The following SLC9B2 variants were observed in gnomAD, a reference collection of about 807,000 sequenced individuals.
The protein encoded by SLC9B2 is solute carrier family 9 member B2.
In SLC9B2, 39 loss-of-function variants were observed where a neutral mutation model predicts 52.2. That is an observed-to-expected ratio of 0.75 (90% CI 0.58 to 0.98). The LOEUF (loss-of-function observed/expected upper bound fraction) is 0.98. SLC9B2 is among the 50% of genes least tolerant of loss of function. SLC9B2 has a pLI of 0.00. For missense variants in SLC9B2, 626 were observed against 637.5 expected, an observed-to-expected ratio of 0.98 and a Z score of 0.19; for synonymous variants, 214 against 227.0, an observed-to-expected ratio of 0.94 and a Z score of 0.51.
intron 1 of SLC9B2, among the ~76,000 whole-genome samples, chr4:103,075,232 C>A (rs1490339961): frequency 6.6e-6 from 1 of 152,158 alleles, no homozygotes; most frequent in Non-Finnish European, 1.5e-5. Context: ...TCACTGCAAC[C>A]TGTGCCTCCT....
intron 3 of SLC9B2, among the ~76,000 whole-genome samples, chr4:103,063,377 T>C (rs973965967): frequency 3.9e-5 from 6 of 152,212 alleles, no homozygotes; most frequent in Admixed American, 2.6e-4. Flanking sequence ...TATAGTATAT[T>C]ATGCTTATCT....
At chr4:103,047,677 G>T (rs1744295677) in intron 6 of SLC9B2, among the ~76,000 whole-genome samples, 1 of 151,868 alleles carries the variant, frequency 6.6e-6, no homozygotes, top group South Asian at 2.1e-4. Flanking sequence ...AGTTTGCTGA[G>T]AATGATGGTT....
In SLC9B2 at chr4:103,022,548, A is replaced by G. The variant is rs1741866178; in HGVS notation, c.*3822T>C. On this transcript the variant is annotated 3_prime_UTR_variant, in exon 12 of 12. Transcript: ENST00000394785. ...TCTGTGTTCTAAATTTTTTGCAATG[A>G]AAATGTGTTACTTTATAATCAGAAA... Among the ~76,000 whole-genome samples the G allele has an allele frequency of 6.6e-6, 1 of 152,210 alleles. No individual in the cohort carries two copies. Among genetic ancestry groups the G allele is most frequent in the South Asian group, 2.1e-4 (1 of 4,830 alleles).
At chr4:103,062,025 G>C (rs1485988061) in intron 3 of SLC9B2, among the ~76,000 whole-genome samples, 1 of 152,168 alleles carries the variant, frequency 6.6e-6, no homozygotes, top group East Asian at 1.9e-4. Context: ...CGATATCAGA[G>C]GTAGAATGGG....
At position 103,043,403 on chromosome 4, in the gene SLC9B2, A is replaced by T; in HGVS notation, c.1039T>A (p.Ser347Thr). 6.2e-7 allele frequency: 1 copy of T among 1,612,970 alleles called. No homozygotes were observed. The highest frequency in any genetic ancestry group is 1.1e-5 in the South Asian group (1 of 90,856). Residue 347 changes from serine to threonine, a missense_variant, in exon 9 of 12, where the codon TCT becomes ACT. Coordinates refer to ENST00000394785, the MANE Select transcript of SLC9B2 (RefSeq NM_178833.7). ...ACACTGCTGAACACAGCTAGCACAG[A>T]CAACCCCAACACAAGGAATGTTCTC... The part of the protein sequence containing the change: ...CKRTFLVLGL[S>T]VLAVFSSVHF...
intron 4 of SLC9B2, among the ~76,000 whole-genome samples, chr4:103,051,868 G>A (rs1416639141): frequency 6.6e-6 from 1 of 152,126 alleles, no homozygotes; most frequent in Non-Finnish European, 1.5e-5. Context: ...TTTTCCCACT[G>A]AAGCACATAT....
At chr4:103,062,025 G>A (rs1485988061) in intron 3 of SLC9B2, among the ~76,000 whole-genome samples, 1 of 152,168 alleles carries the variant, frequency 6.6e-6, no homozygotes, top group East Asian at 1.9e-4. Context: ...CGATATCAGA[G>A]GTAGAATGGG....
intron 3 of SLC9B2, among the ~76,000 whole-genome samples, chr4:103,059,537 C>A (rs933436463): frequency 1.3e-5 from 2 of 152,208 alleles, no homozygotes; most frequent in Admixed American, 1.3e-4. Context: ...AAACCAGCTA[C>A]TAATTGCATG....
chr4:103,055,920 C>T (rs897874709), intron 4 of SLC9B2, among the ~76,000 whole-genome samples: 1 of 151,242 alleles, frequency 6.6e-6, no homozygotes, highest in South Asian at 2.1e-4. Flanking sequence ...TCTCCTGCCT[C>T]AGCCTCCCGA....
intron 1 of SLC9B2, among the ~76,000 whole-genome samples, chr4:103,071,245 C>A (rs1746597456): frequency 6.6e-6 from 1 of 151,784 alleles, no homozygotes; most frequent in African/African-American, 2.4e-5. Context: ...GCTCTGTCAC[C>A]CAGGCTGGAG....
chr4:103,045,025 C>T, intron 7 of SLC9B2, 29 bp from the exon 8 acceptor site: 4 of 1,460,818 alleles, frequency 2.7e-6, no homozygotes, highest in Non-Finnish European at 1.9e-6. Context: ...AAACTTAGAG[C>T]TCTAAATCCA....
downstream of SLC9B2, chr4:103,020,426 G>A (rs1424186740): frequency 2.4e-6 from 1 of 412,172 alleles, no homozygotes; most frequent in Non-Finnish European, 4.7e-6. Context: ...TGGAGAAAGT[G>A]TAAACTTCTT....
intron 8 of SLC9B2, 150 bp from the exon 9 acceptor site, chr4:103,043,595 T>C: frequency 1.4e-6 from 1 of 699,584 alleles, no homozygotes; most frequent in Non-Finnish European, 2.3e-6. Context: ...ACATTTACTT[T>C]CTCTTCTTAA....
intron 3 of SLC9B2, 38 bp from the exon 4 acceptor site, chr4:103,058,009 T>A (rs774351994): frequency 6.5e-7 from 1 of 1,549,624 alleles, no homozygotes; most frequent in Non-Finnish European, 8.7e-7. Flanking sequence ...TATCAATAAG[T>A]TGTCACATGG....
intron 2 of SLC9B2, 43 bp from the exon 3 acceptor site, chr4:103,066,550 T>C: frequency 1.3e-6 from 2 of 1,554,784 alleles, no homozygotes; most frequent in African/African-American, 1.4e-5. Context: ...ACTGTATATA[T>C]TTTACACATA....
At position 103,024,140 on chromosome 4, in the gene SLC9B2, T is replaced by A. The variant is rs994306466; in HGVS notation, c.*2230A>T. Among the ~76,000 whole-genome samples, 22 of 152,224 alleles carry A rather than the reference T, an allele frequency of 1.4e-4. No individual in the cohort carries two copies. Among genetic ancestry groups the A allele is most frequent in the African/African-American group, 5.3e-4 (22 of 41,452 alleles). ...GCACTTATCATATTGTTTTGCAATG[T>A]CTTGTTTAACTGTCTGTTTTCTCTA... On this transcript the variant is annotated 3_prime_UTR_variant, in exon 12 of 12. Coordinates refer to ENST00000394785, the MANE Select transcript of SLC9B2 (RefSeq NM_178833.7).
chr4:103,023,261 A>G lies in SLC9B2; in HGVS notation c.*3109T>C, dbSNP rs968752266. ...CTGAGGATTCAAGGATAATTAAGAC[A>G]AGGTTCCTACCCATAGGGAGCTGAT... On this transcript the variant is annotated 3_prime_UTR_variant, in exon 12 of 12. Transcript: ENST00000394785. 2.6e-5 allele frequency among the ~76,000 whole-genome samples: 4 copies of G among 152,238 alleles called. No homozygotes were observed. Among genetic ancestry groups the G allele is most frequent in the South Asian group, 2.1e-4 (1 of 4,836 alleles).
At chr4:103,037,744 T>A (rs1459607172) in intron 9 of SLC9B2, among the ~76,000 whole-genome samples, 1 of 152,242 alleles carries the variant, frequency 6.6e-6, no homozygotes, top group Non-Finnish European at 1.5e-5. Flanking sequence ...ACATCTAAGA[T>A]CATTTATTAT....
intron 2 of SLC9B2, among the ~76,000 whole-genome samples, chr4:103,066,989 T>TAA (rs758350083): frequency 7.0e-6 from 1 of 143,450 alleles, no homozygotes; most frequent in African/African-American, 2.5e-5. Context: ...ATGCAAATAT[T>TAA]AAAAAAAAAA....
Sources: allele counts gnomAD v4.1 joint callset (sites outside exome capture counted in the v4.1 genomes callset), GRCh38; gene constraint gnomAD v4.1.1; transcripts MANE v1.5; gene names NCBI Gene and HGNC (gene_info 2026-07-23, HGNC 2026-07-21).